Variants in GPC5 observed in about 807,000 individuals in gnomAD.
GPC5 encodes the protein glypican-5.
In GPC5, 47 loss-of-function variants were observed where a neutral mutation model predicts 53.9. The ratio of observed to expected loss-of-function variants is 0.87; its 90% CI spans 0.69 to 1.11. The LOEUF is 1.11. Among genes scored for constraint, GPC5 ranks in the 50% most tolerant of loss-of-function variants. The pLI is 0.00. For synonymous variants in GPC5, 286 were observed against 263.3 expected (o/e 1.09, Z -0.84); for missense variants, 748 against 713.1 (o/e 1.05, Z -0.56).
At chr13:91,899,214 T>C (rs920966314) in intron 5 of GPC5, among the ~76,000 whole-genome samples, 2 of 152,122 alleles carry the variant, frequency 1.3e-5, no homozygotes, top group African/African-American at 4.8e-5. Flanking sequence ...CCTGTTTGTG[T>C]GTGTGAACTT....
chr13:92,588,069 T>A (rs894467505), intron 7 of GPC5, among the ~76,000 whole-genome samples: 1 of 152,032 alleles, frequency 6.6e-6, no homozygotes, highest in Non-Finnish European at 1.5e-5. Context: ...ATGCTCTCCC[T>A]CCCCTTTCCC....
chr13:92,010,211 T>G (rs1351157039), intron 6 of GPC5, among the ~76,000 whole-genome samples: 1 of 152,192 alleles, frequency 6.6e-6, no homozygotes, highest in Non-Finnish European at 1.5e-5. Context: ...AATACGTTTA[T>G]CAGCACTTAA....
At chr13:92,613,429 T>TA (rs1566320533) in intron 7 of GPC5, among the ~76,000 whole-genome samples, 6 of 16,382 alleles carry the variant, frequency 3.7e-4, no homozygotes, top group Non-Finnish European at 5.0e-4. Context: ...ATGATATATA[T>TA]TTATATATAA....
At chr13:92,298,114 C>T (rs1369973560) in intron 7 of GPC5, among the ~76,000 whole-genome samples, 1 of 152,142 alleles carries the variant, frequency 6.6e-6, no homozygotes, top group Non-Finnish European at 1.5e-5. Flanking sequence ...AAAGCCAGCA[C>T]TCACAGGCCT....
At chr13:91,497,402 TCTAAATAATGG>T (rs1884332866) in intron 2 of GPC5, among the ~76,000 whole-genome samples, 1 of 152,094 alleles carries the variant, frequency 6.6e-6, no homozygotes, top group Non-Finnish European at 1.5e-5. Flanking sequence ...TGTACTGTTC[TCTAAATAATGG>T]CTCATTATTT....
chr13:91,710,325 A>G (rs993117257), intron 3 of GPC5, among the ~76,000 whole-genome samples: 2 of 152,242 alleles, frequency 1.3e-5, no homozygotes, highest in African/African-American at 2.4e-5. Flanking sequence ...CTTCCATGAG[A>G]GCACAGCAAG....
At chr13:92,291,332 C>T (rs1395451581) in intron 7 of GPC5, among the ~76,000 whole-genome samples, 1 of 152,174 alleles carries the variant, frequency 6.6e-6, no homozygotes, top group Non-Finnish European at 1.5e-5. Context: ...ACTTGGAGAA[C>T]CTTTATGTCT....
chr13:92,267,985 T>G (rs2042813986), intron 7 of GPC5, among the ~76,000 whole-genome samples: 1 of 152,092 alleles, frequency 6.6e-6, no homozygotes, highest in South Asian at 2.1e-4. Flanking sequence ...AACTTGTGGT[T>G]CCTTGAATGT....
At chr13:91,820,455 T>A (rs2038473795) in intron 5 of GPC5, among the ~76,000 whole-genome samples, 1 of 152,144 alleles carries the variant, frequency 6.6e-6, no homozygotes, top group Admixed American at 6.5e-5. Flanking sequence ...CACTCGGCCC[T>A]CATTTTCTGC....
rs114914814 is a variant in GPC5, at chr13:91,513,788, C to T, written c.325+64866C>T. ...AGAGAACACCCCTACAAGGGTCACT[C>T]GTCTTCCCATTTTATGACCATACCC... On this transcript the variant is annotated intron_variant, in intron 2 of 7. Coordinates refer to ENST00000377067, the MANE Select transcript of GPC5 (RefSeq NM_004466.6). 9.4e-3 allele frequency among the ~76,000 whole-genome samples: 1,424 copies of T among 152,196 alleles called. 23 individuals are homozygous for T. Among genetic ancestry groups the T allele is most frequent in the African/African-American group, 0.032 (1,345 of 41,530 alleles).
At chr13:91,940,352 C>G (rs1286909133) in intron 6 of GPC5, among the ~76,000 whole-genome samples, 2 of 152,134 alleles carry the variant, frequency 1.3e-5, no homozygotes, top group Non-Finnish European at 2.9e-5. Context: ...GCATAGTATT[C>G]TACGTTATAT....
intron 7 of GPC5, among the ~76,000 whole-genome samples, chr13:92,152,636 G>A (rs993435102): frequency 2.6e-5 from 4 of 151,598 alleles, no homozygotes; most frequent in Non-Finnish European, 5.9e-5. Context: ...CTACTCAGGA[G>A]ACTGAGGCAG....
chr13:91,942,372 C>A (rs893495944), intron 6 of GPC5, among the ~76,000 whole-genome samples: 4 of 151,948 alleles, frequency 2.6e-5, no homozygotes, highest in South Asian at 2.1e-4. Flanking sequence ...GCATACAGTC[C>A]ATCAAGTCTC....
chr13:91,555,282 G>A (rs771703636), intron 2 of GPC5, among the ~76,000 whole-genome samples: 3 of 151,996 alleles, frequency 2.0e-5, no homozygotes, highest in Non-Finnish European at 2.9e-5. Context: ...GCCGATGTTT[G>A]ACTCCTGCAT....
rs534876227 is a variant in GPC5 at position 92,205,180 on chromosome 13, G to C, written c.1561+60191G>C. Among the ~76,000 whole-genome samples, 85 of 151,844 alleles carry C rather than the reference G, an allele frequency of 5.6e-4. 1 individual carries two copies. The highest frequency in any genetic ancestry group is 1.0e-3 in the Non-Finnish European group (68 of 67,886). Reference sequence around the variant, plus strand: ...GGCCTGAGCCACCGCACCCGGCCCTGTTTTGTTTTTTTGTTTGTTTGTTTA... The same window carrying C: ...GGCCTGAGCCACCGCACCCGGCCCTCTTTTGTTTTTTTGTTTGTTTGTTTA... On this transcript the variant is annotated intron_variant, in intron 7 of 7. Coordinates refer to ENST00000377067, the MANE Select transcript of GPC5 (RefSeq NM_004466.6).
intron 6 of GPC5, among the ~76,000 whole-genome samples, chr13:92,058,050 A>G (rs2041090760): frequency 6.6e-6 from 1 of 152,218 alleles, no homozygotes; most frequent in Non-Finnish European, 1.5e-5. Context: ...ACTCCATCCC[A>G]GTCTTCTGAC....
intron 7 of GPC5, among the ~76,000 whole-genome samples, chr13:92,340,193 G>A (rs2043354654): frequency 6.6e-6 from 1 of 152,144 alleles, no homozygotes; most frequent in South Asian, 2.1e-4. Flanking sequence ...CCATAGTAAA[G>A]TTGTATGAAA....
chr13:91,409,612 C>T (rs1249145259), intron 1 of GPC5, among the ~76,000 whole-genome samples: 5 of 152,140 alleles, frequency 3.3e-5, no homozygotes. Flanking sequence ...GACTTGTCAC[C>T]TTATTTGTTG....
At chr13:91,756,532 A>G (rs2037296948) in intron 5 of GPC5, 112 bp downstream of exon 5, 5 of 870,956 alleles carry the variant, frequency 5.7e-6, no homozygotes, top group Admixed American at 2.8e-5. Context: ...TACAGTCTAC[A>G]TTAAATACTT....
Sources: gnomAD v4.1 joint callset for allele counts (sites outside exome capture counted in the v4.1 genomes callset) on GRCh38, gnomAD v4.1.1 for gene constraint, MANE v1.5 for transcripts, NCBI Gene and HGNC (gene_info 2026-07-23, HGNC 2026-07-21) for gene names.